SPATA13: variants seen among roughly 807,000 people sequenced by gnomAD.
The protein encoded by SPATA13 is spermatogenesis-associated protein 13.
A neutral mutation model predicts 104.0 loss-of-function variants in SPATA13; 50 were observed. The observed-to-expected ratio is 0.48, with a 90% CI of 0.38 to 0.61. SPATA13 has a LOEUF of 0.61. Ranked by LOEUF, SPATA13 falls within the 20% of genes least tolerant of loss-of-function variation. The pLI, the probability that SPATA13 is intolerant of heterozygous loss-of-function variation, is 0.00. For missense variants in SPATA13, 1,524 were observed against 1,690.6 expected, an observed-to-expected ratio of 0.90 and a Z score of 1.73; for synonymous variants, 606 against 667.5, an observed-to-expected ratio of 0.91 and a Z score of 1.42.
intron 9 of SPATA13, among the ~76,000 whole-genome samples, chr13:24,291,196 G>A (rs1876326188): frequency 6.6e-6 from 1 of 152,144 alleles, no homozygotes; most frequent in Non-Finnish European, 1.5e-5. Flanking sequence ...ATGTCTTTGA[G>A]TACTCAGTAG....
At chr13:24,140,161 A>G (rs1881714482) in intron 3 of SPATA13, among the ~76,000 whole-genome samples, 3 of 152,212 alleles carry the variant, frequency 2.0e-5, no homozygotes, top group Admixed American at 6.5e-5. Context: ...AAATGCCATA[A>G]TAAGTTAAAT....
At chr13:24,021,095 C>A (rs953187326) in intron 3 of SPATA13, among the ~76,000 whole-genome samples, 2 of 152,122 alleles carry the variant, frequency 1.3e-5, no homozygotes, top group Non-Finnish European at 2.9e-5. Flanking sequence ...TGTGTGCACA[C>A]CTGCATTATA....
At chr13:24,157,146 C>A (rs964128337), upstream of SPATA13, among the ~76,000 whole-genome samples, 4 of 152,076 alleles carry the variant, frequency 2.6e-5, no homozygotes, top group Non-Finnish European at 4.4e-5. Context: ...AGACACTGAC[C>A]GCAGATTTCT....
At position 24,249,493 on chromosome 13, in the gene SPATA13, C is replaced by T. The variant is rs770688821; in HGVS notation, c.1670C>T (p.Pro557Leu). ...KEKEEVVPDG[P>L]WRRSSSQDEE... ...ATTTGAAAGGTCGTCCCTGATGGCC[C>T]CTGGAGGCGAAGCTCATCACAGGAT... Residue 557 changes from proline (P) to leucine (L), a missense_variant, in exon 3 of 13, where the codon CCC becomes CTC. Pro to Leu is a moderately conservative substitution (Grantham distance 98). This residue lies in a region of SPATA13 where 1,089 missense variants were observed against 1,135.9 expected (regional missense o/e 0.96). Transcript: ENST00000382108. 2.2e-5 allele frequency: 34 copies of T among 1,573,652 alleles called. No homozygotes were observed. Among genetic ancestry groups the T allele is most frequent in the South Asian group, 1.8e-4 (16 of 87,432 alleles).
intron 1 of SPATA13, among the ~76,000 whole-genome samples, chr13:24,185,889 G>A (rs563168964): frequency 6.6e-6 from 1 of 152,220 alleles, no homozygotes; most frequent in South Asian, 2.1e-4. Flanking sequence ...AATAAGCAGG[G>A]TAGGTCAGTA....
rs767021749 is a variant in SPATA13, at chr13:24,249,618, C to T, written c.1795C>T (p.Arg599Cys). The change falls in exon 3 of 13, where the codon CGC (arginine) becomes TGC (cysteine). Residue 599 changes from arginine to cysteine, a missense_variant. Physicochemically the swap from Arg to Cys is radical, Grantham distance 180. Around this residue, in one of 2 missense-constraint regions of SPATA13, gnomAD observed 1,089 missense variants for 1,135.9 expected, o/e 0.96. Coordinates refer to ENST00000382108, the MANE Select transcript of SPATA13 (RefSeq NM_001166271.3). ...PFSDYGQLAS[R>C]SLSIPEDSVA... ...CTCTGACTACGGCCAGCTGGCCAGC[C>T]GCAGTTTGTCTATTCCTGAAGACTC... 8 of 1,613,814 alleles carry T rather than the reference C, an allele frequency of 5.0e-6. No individual in the cohort carries two copies. The highest frequency in any genetic ancestry group is 3.3e-5 in the South Asian group (3 of 91,086).
chr13:24,144,318 C>T (rs1346382982), intron 3 of SPATA13, among the ~76,000 whole-genome samples: 1 of 152,158 alleles, frequency 6.6e-6, no homozygotes, highest in Non-Finnish European at 1.5e-5. Context: ...CTCATCTTCC[C>T]CTGCCCCACC....
chr13:24,023,039 T>C (rs1877057424), intron 3 of SPATA13, among the ~76,000 whole-genome samples: 1 of 152,198 alleles, frequency 6.6e-6, no homozygotes, highest in Admixed American at 6.5e-5. Context: ...CGCTGCATCC[T>C]TCAACCCGTC....
intron 1 of SPATA13, among the ~76,000 whole-genome samples, chr13:24,216,802 A>G (rs1566155167): frequency 6.6e-6 from 1 of 152,174 alleles, no homozygotes; most frequent in Admixed American, 6.5e-5. Context: ...TGTAATCCCA[A>G]TACTTTGGGA....
At position 24,222,768 on chromosome 13, in the gene SPATA13, G is replaced by A. The variant is rs371801300; in HGVS notation, c.-111-51G>A. 4.1e-6 allele frequency: 6 copies of A among 1,451,678 alleles called. No individual in the cohort carries two copies. In the Admixed American group the frequency reaches 1.4e-4, roughly 34 times the overall value. 89.9% of individuals were successfully genotyped at this position (1,451,678 alleles called of 1,614,324 possible). A position where few individuals can be genotyped will look rare whatever the true frequency, so the allele number is the denominator to read the frequency against. ...CGTGCCTCTTCTTCTGTGAGCAGAG[G>A]GGCTACTGCGTGGGAAATGGCTAAA... On this transcript the variant is annotated intron_variant, in intron 1 of 12. Transcript: ENST00000382108.
At chr13:23,981,502 C>T (rs535869384) in intron 1 of SPATA13, among the ~76,000 whole-genome samples, 4 of 152,250 alleles carry the variant, frequency 2.6e-5, no homozygotes, top group African/African-American at 7.2e-5. Flanking sequence ...GTTTCGGGAG[C>T]CGGAAATGCT....
chr13:24,212,071 A>G (rs1566152783), intron 1 of SPATA13, among the ~76,000 whole-genome samples: 1 of 152,138 alleles, frequency 6.6e-6, no homozygotes, highest in East Asian at 1.9e-4. Context: ...GGAAATATTT[A>G]CTGAATGAAT....
At chr13:24,045,295 A>T (rs6490861) in intron 3 of SPATA13, among the ~76,000 whole-genome samples, 70,225 of 151,844 alleles carry the variant, frequency 0.46, 16,971 homozygotes, top group African/African-American at 0.61. Flanking sequence ...TTCGACCATG[A>T]CCTTTGTATT....
chr13:24,147,781 A>G (rs2138466596), intron 3 of SPATA13, among the ~76,000 whole-genome samples: 1 of 152,268 alleles, frequency 6.6e-6, no homozygotes, highest in South Asian at 2.1e-4. Context: ...AGCCCCTGGC[A>G]GACACCATTC....
At chr13:24,135,531 A>G (rs1180588391) in intron 3 of SPATA13, among the ~76,000 whole-genome samples, 4 of 151,926 alleles carry the variant, frequency 2.6e-5, no homozygotes, top group African/African-American at 9.7e-5. Flanking sequence ...CCCCATCTCT[A>G]CTAAGAAATA....
chr13:24,155,399 GT>G (rs1433553639), intron 3 of SPATA13, among the ~76,000 whole-genome samples: 5 of 152,168 alleles, frequency 3.3e-5, no homozygotes, highest in Non-Finnish European at 7.4e-5. Flanking sequence ...AAGAAGACAG[GT>G]TTTTCAGGAG....
intron 2 of SPATA13, among the ~76,000 whole-genome samples, chr13:24,015,275 C>T (rs945431548): frequency 3.3e-5 from 5 of 152,160 alleles, no homozygotes; most frequent in East Asian, 3.8e-4. Context: ...GCAAAAACAT[C>T]GCTGAAAGCC....
At chr13:24,210,242 G>C (rs755653042) in intron 1 of SPATA13, among the ~76,000 whole-genome samples, 1 of 151,988 alleles carries the variant, frequency 6.6e-6, no homozygotes, top group African/African-American at 2.4e-5. Flanking sequence ...ACCTTATTTT[G>C]TTGTTTCTTT....
chr13:24,219,058 T>C (rs957261412), intron 1 of SPATA13, among the ~76,000 whole-genome samples: 5 of 151,454 alleles, frequency 3.3e-5, no homozygotes, highest in Admixed American at 6.6e-5. Context: ...AGAATCCAGC[T>C]TGTAGACAGT....
Sources: allele counts gnomAD v4.1 joint callset (sites outside exome capture counted in the v4.1 genomes callset), GRCh38; gene constraint gnomAD v4.1.1; regional missense constraint gnomAD v4.1.1; transcripts MANE v1.5; gene names NCBI Gene and HGNC (gene_info 2026-07-23, HGNC 2026-07-21).